Variants in GNG7 observed in about 807,000 individuals in gnomAD.
GNG7 encodes guanine nucleotide-binding protein G(I)/G(S)/G(O) subunit gamma-7.
In GNG7, 1 loss-of-function variant was observed where a neutral mutation model predicts 4.0. The ratio of observed to expected loss-of-function variants is 0.25; its 90% CI spans 0.09 to 1.18. The LOEUF is 1.18. GNG7 is among the 50% of genes most tolerant of loss of function. The pLI, the probability that GNG7 is intolerant of heterozygous loss-of-function variation, is 0.50. For missense variants in GNG7, 86 were observed against 91.9 expected, an observed-to-expected ratio of 0.94 and a Z score of 0.26; for synonymous variants, 34 against 36.9, an observed-to-expected ratio of 0.92 and a Z score of 0.29.
intron 1 of GNG7, among the ~76,000 whole-genome samples, chr19:2,690,572 A>G (rs1039730673): frequency 1.3e-5 from 2 of 151,012 alleles, no homozygotes; most frequent in African/African-American, 4.9e-5. Context: ...GAGTTTTTCT[A>G]TTTCAACCTG....
intron 2 of GNG7, among the ~76,000 whole-genome samples, chr19:2,645,775 A>T (rs1982648393): frequency 6.6e-6 from 1 of 152,008 alleles, no homozygotes; most frequent in Non-Finnish European, 1.5e-5. Context: ...CTCTTCCTAC[A>T]TTTTAAAAGC....
chr19:2,565,568 C>T (rs1979880630), intron 2 of GNG7, among the ~76,000 whole-genome samples: 1 of 151,698 alleles, frequency 6.6e-6, no homozygotes, highest in Non-Finnish European at 1.5e-5. Context: ...TCGGTTAGTT[C>T]CTTCCCTCCA....
chr19:2,526,381 A>T (rs1322896130), intron 3 of GNG7, among the ~76,000 whole-genome samples: 3 of 151,664 alleles, frequency 2.0e-5, no homozygotes, highest in Non-Finnish European at 4.4e-5. Context: ...CTGGGATTAC[A>T]GGCGTGAGCC....
intron 1 of GNG7, among the ~76,000 whole-genome samples, chr19:2,667,159 A>G (rs1196304196): frequency 6.6e-6 from 1 of 152,010 alleles, no homozygotes; most frequent in African/African-American, 2.4e-5. Context: ...ACCCGTCTCT[A>G]TTAAAAATAC....
Position 2,557,356 on chromosome 19 carries a change from G to GTGC in GNG7, c.-77-2169_-77-2168insGCA, listed in dbSNP as rs1979597492. On this transcript the variant is annotated intron_variant, in intron 2 of 4. Coordinates refer to ENST00000382159, the MANE Select transcript of GNG7 (RefSeq NM_052847.3). This position sits in a 1 kb window ranked among gnomAD's most constrained non-coding sequence, Gnocchi z 5.1. ...AGACACACACATGTGCACACACACAGACACACACACACGTGCACGCACACA... is the reference window on the plus strand; with the variant it reads ...AGACACACACATGTGCACACACACAGTGCACACACACACACGTGCACGCACACA... Among the ~76,000 whole-genome samples the GTGC allele has an allele frequency of 1.1e-5, 1 of 94,022 alleles. No individual in the cohort carries two copies. The highest frequency in any genetic ancestry group is 3.4e-5 in the African/African-American group (1 of 29,286). The allele number at this position is 94,022 out of a possible 152,430, so 61.7% of individuals were successfully genotyped here. A position where few individuals can be genotyped will look rare whatever the true frequency, so the allele number is the denominator to read the frequency against.
intron 2 of GNG7, among the ~76,000 whole-genome samples, chr19:2,616,235 C>A (rs965858221): frequency 2.6e-5 from 4 of 151,946 alleles, no homozygotes; most frequent in Non-Finnish European, 4.4e-5. Flanking sequence ...ATAGTGAGAC[C>A]CCATCTCTAA....
rs73510518 is a variant in GNG7 at position 2,653,165 on chromosome 19, G to A, written c.-134-6885C>T. On this transcript the variant is annotated intron_variant, in intron 1 of 4. Transcript: ENST00000382159. This position sits in a 1 kb window ranked among gnomAD's most constrained non-coding sequence, Gnocchi z 4.8. Reference sequence around the variant, plus strand: ...AAAACCAGGCCTCACCCACAGTGTCGAAGGCATGCATCTTCTAGGGTTATT... The same window carrying A: ...AAAACCAGGCCTCACCCACAGTGTCAAAGGCATGCATCTTCTAGGGTTATT... Among the ~76,000 whole-genome samples, 10 of 151,994 alleles carry A rather than the reference G, an allele frequency of 6.6e-5. No homozygotes were observed. Among genetic ancestry groups the A allele is most frequent in the Non-Finnish European group, 1.2e-4 (8 of 68,000 alleles).
chr19:2,528,074 C>T (rs554083685), intron 3 of GNG7, among the ~76,000 whole-genome samples: 1 of 151,332 alleles, frequency 6.6e-6, no homozygotes, highest in South Asian at 2.1e-4. Context: ...TCAAGACCAG[C>T]CTGGCCAACA....
chr19:2,571,194 G>A (rs973532438), intron 2 of GNG7, among the ~76,000 whole-genome samples: 1 of 152,092 alleles, frequency 6.6e-6, no homozygotes, highest in East Asian at 1.9e-4. Flanking sequence ...GCCTGACGAC[G>A]CCCAGTGTCT....
At chr19:2,562,687 A>C (rs1391342215) in intron 2 of GNG7, among the ~76,000 whole-genome samples, 2 of 152,082 alleles carry the variant, frequency 1.3e-5, no homozygotes, top group Non-Finnish European at 2.9e-5. Context: ...TACCCTGGTC[A>C]GGGGGGACAG....
intron 2 of GNG7, among the ~76,000 whole-genome samples, chr19:2,628,625 G>C (rs1982079279): frequency 6.6e-6 from 1 of 151,980 alleles, no homozygotes; most frequent in East Asian, 1.9e-4. Flanking sequence ...TGGCTCTCCA[G>C]AACCTTCCAT....
rs542664768 is a variant in GNG7, at chr19:2,573,172, C to T, written c.-77-17984G>A. Among the ~76,000 whole-genome samples the T allele has an allele frequency of 9.2e-5, 14 of 151,664 alleles. No homozygotes were observed. The South Asian group carries it at 2.5e-3, about 27-fold the overall frequency. On this transcript the variant is annotated intron_variant, in intron 2 of 4. Transcript: ENST00000382159. ...TCCTGAGTAGCTGGGATTACAGGCG[C>T]CACCACACCCGGCTAATTTTTTGTA... is the stretch of plus-strand genomic sequence containing the variant.
At chr19:2,697,092 C>T (rs756915370) in intron 1 of GNG7, among the ~76,000 whole-genome samples, 1 of 152,124 alleles carries the variant, frequency 6.6e-6, no homozygotes, top group African/African-American at 2.4e-5. Context: ...CCACCTGCTT[C>T]GGCCTCCCAA....
At chr19:2,686,211 G>A (rs1023680056) in intron 1 of GNG7, among the ~76,000 whole-genome samples, 22 of 151,404 alleles carry the variant, frequency 1.5e-4, no homozygotes, top group African/African-American at 5.1e-4. Flanking sequence ...AGGCTGGAGT[G>A]CAGTGGTGCG....
intron 2 of GNG7, among the ~76,000 whole-genome samples, chr19:2,582,627 T>C (rs1489269959): frequency 6.7e-6 from 1 of 148,626 alleles, no homozygotes; most frequent in Non-Finnish European, 1.5e-5. Context: ...GGACTACAGG[T>C]GCATGCCACC....
intron 2 of GNG7, among the ~76,000 whole-genome samples, chr19:2,629,432 G>A (rs1037995411): frequency 2.0e-5 from 3 of 152,172 alleles, no homozygotes; most frequent in Non-Finnish European, 4.4e-5. Flanking sequence ...AGGACACAGA[G>A]TCACAGACGG....
In GNG7 at chr19:2,626,756, T is replaced by C. The variant is rs1253147478; in HGVS notation, c.-78+19468A>G. On this transcript the variant is annotated intron_variant, in intron 2 of 4. Transcript: ENST00000382159. The surrounding 1 kb of genome is among the most constrained non-coding windows in gnomAD (Gnocchi z 5.0). ...CGGTGTCGGGGGACATCTGTAATTG[T>C]CATGACGGAGGGAAGTGGGACCTTC... Among the ~76,000 whole-genome samples, 2 of 152,130 alleles carry C rather than the reference T, an allele frequency of 1.3e-5. No homozygotes were observed. The highest frequency in any genetic ancestry group is 2.9e-5 in the Non-Finnish European group (2 of 68,014).
chr19:2,659,062 C>A (rs139608802), intron 1 of GNG7, among the ~76,000 whole-genome samples: 54 of 151,788 alleles, frequency 3.6e-4, no homozygotes, highest in Non-Finnish European at 7.2e-4. Context: ...CTCCACCTCC[C>A]GGGTTCATGC....
intron 2 of GNG7, among the ~76,000 whole-genome samples, chr19:2,576,147 C>G (rs142787213): frequency 6.6e-6 from 1 of 152,364 alleles, no homozygotes; most frequent in Non-Finnish European, 1.5e-5. Flanking sequence ...ACACATGCGG[C>G]ACGGGCACGT....
Sources: allele counts gnomAD v4.1 joint callset (sites outside exome capture counted in the v4.1 genomes callset), GRCh38; gene constraint gnomAD v4.1.1; non-coding constraint Gnocchi (gnomAD v3.1); transcripts MANE v1.5; gene names NCBI Gene and HGNC (gene_info 2026-07-23, HGNC 2026-07-21).